KIF26B: variants seen among roughly 807,000 people sequenced by gnomAD.
KIF26B encodes kinesin family member 26B, also known as kinesin-like protein KIF26B.
A neutral mutation model predicts 151.2 loss-of-function variants in KIF26B; 63 were observed. The ratio of observed to expected loss-of-function variants is 0.42; its 90% CI spans 0.34 to 0.51. KIF26B has a LOEUF of 0.51. Ranked by LOEUF, KIF26B falls within the 20% of genes least tolerant of loss-of-function variation. The probability of loss-of-function intolerance (pLI) is 0.07; values close to 1 mark genes in which losing one functional copy is unlikely to be tolerated. For missense variants in KIF26B, 2,813 were observed against 2,913.6 expected (o/e 0.97, Z 0.79); for synonymous variants, 1,357 against 1,262.1 (o/e 1.08, Z -1.59).
intron 4 of KIF26B, among the ~76,000 whole-genome samples, chr1:245,508,943 C>G (rs536840430): frequency 1.3e-5 from 2 of 152,110 alleles, no homozygotes; most frequent in East Asian, 3.8e-4. Flanking sequence ...TAGACTAAAT[C>G]CTATTAAAGA....
intron 4 of KIF26B, among the ~76,000 whole-genome samples, chr1:245,529,536 T>C (rs1661314312): frequency 6.6e-6 from 1 of 152,262 alleles, no homozygotes; most frequent in South Asian, 2.1e-4. Context: ...TTTGTACTTC[T>C]GTTTAGCCTT....
chr1:245,197,820 C>G (rs56128316), intron 2 of KIF26B, among the ~76,000 whole-genome samples: 18,303 of 152,220 alleles, frequency 0.12, 1,640 homozygotes, highest in East Asian at 0.45. Flanking sequence ...TAGACGACAA[C>G]TAGGCACAGT....
rs1321001510 is a variant in KIF26B at position 245,611,871 on chromosome 1, A to G, written c.1993A>G (p.Arg665Gly). The part of the protein sequence containing the change: ...FFLDAAIASR[R>G]SHQQDCDEDD... ...CCTGGATGCCGCCATTGCCTCCCGC[A>G]GGAGCCACCAACAGGACTGTGATGA... The change falls in exon 9 of 15, where the codon AGG becomes GGG. Residue 665 changes from arginine to glycine, a missense_variant. Arg to Gly is a moderately radical substitution (Grantham distance 125). Coordinates refer to ENST00000407071, the MANE Select transcript of KIF26B (RefSeq NM_018012.4). The G allele has an allele frequency of 3.7e-6, 6 of 1,613,698 alleles. No individual in the cohort carries two copies. The Admixed American group carries it at 8.3e-5, about 22-fold the overall frequency.
At chr1:245,574,611 A>G (rs1200246477) in intron 5 of KIF26B, among the ~76,000 whole-genome samples, 1 of 152,006 alleles carries the variant, frequency 6.6e-6, no homozygotes, top group Non-Finnish European at 1.5e-5. Flanking sequence ...GTTGGAGTCC[A>G]CCTTCTGCCC....
intron 5 of KIF26B, among the ~76,000 whole-genome samples, chr1:245,556,341 T>TCCTCCCCCCTCCTCCTC (rs1662035369): frequency 7.6e-6 from 1 of 131,078 alleles, no homozygotes; most frequent in African/African-American, 2.9e-5. Flanking sequence ...TCTTCCTCCT[T>TCCTCCCCCCTCCTCCTC]CCTCCCTCCT....
intron 4 of KIF26B, among the ~76,000 whole-genome samples, chr1:245,453,068 T>C (rs1032450472): frequency 6.6e-6 from 1 of 152,206 alleles, no homozygotes; most frequent in Non-Finnish European, 1.5e-5. Flanking sequence ...ATAGCTCTCA[T>C]ATTTGGGTTC....
At position 245,167,874 on chromosome 1, in the gene KIF26B, G is replaced by C. The variant is rs1353772042; in HGVS notation, c.465+11191G>C. Among the ~76,000 whole-genome samples the C allele has an allele frequency of 6.6e-6, 1 of 152,070 alleles. No homozygotes were observed. The highest frequency in any genetic ancestry group is 2.4e-5 in the African/African-American group (1 of 41,406). Reference sequence around the variant, plus strand: ...AAGGAGAGGAATAAGAGGGGAGGAGGAGGAGGACGGATGAGAGAGAGGGCG... The same window carrying C: ...AAGGAGAGGAATAAGAGGGGAGGAGCAGGAGGACGGATGAGAGAGAGGGCG... On this transcript the variant is annotated intron_variant, in intron 2 of 14. Transcript: ENST00000407071. The surrounding 1 kb of genome is among the most constrained non-coding windows in gnomAD (Gnocchi z 4.2).
intron 14 of KIF26B, among the ~76,000 whole-genome samples, chr1:245,701,872 C>G (rs1473362282): frequency 2.0e-5 from 3 of 152,182 alleles, no homozygotes; most frequent in African/African-American, 7.2e-5. Flanking sequence ...GGCAGCCCAT[C>G]CCTCTGCCCG....
chr1:245,377,200 C>T (rs955636582), intron 3 of KIF26B, among the ~76,000 whole-genome samples: 1 of 152,254 alleles, frequency 6.6e-6, no homozygotes, highest in Non-Finnish European at 1.5e-5. Context: ...CAGGCGTGAG[C>T]CACCGCCCCC....
chr1:245,411,521 C>A (rs960888965), intron 3 of KIF26B, among the ~76,000 whole-genome samples: 1 of 152,186 alleles, frequency 6.6e-6, no homozygotes, highest in Non-Finnish European at 1.5e-5. Flanking sequence ...ATAAACATAA[C>A]TCATAAAATG....
intron 5 of KIF26B, among the ~76,000 whole-genome samples, chr1:245,543,326 G>A (rs1399961146): frequency 6.6e-6 from 1 of 152,212 alleles, no homozygotes; most frequent in Admixed American, 6.5e-5. Flanking sequence ...CATATGTAGT[G>A]ACCACAGATA....
chr1:245,508,865 G>A (rs1299782367), intron 4 of KIF26B, among the ~76,000 whole-genome samples: 1 of 152,074 alleles, frequency 6.6e-6, no homozygotes, highest in African/African-American at 2.4e-5. Flanking sequence ...CTTTTGTCTT[G>A]TTTGCCTCCT....
intron 2 of KIF26B, among the ~76,000 whole-genome samples, chr1:245,174,049 T>C (rs1022010530): frequency 6.6e-6 from 1 of 152,256 alleles, no homozygotes; most frequent in Admixed American, 6.5e-5. Context: ...GTTCCCTGCA[T>C]AGTAGTTACT....
chr1:245,289,966 C>T (rs1250122209), intron 2 of KIF26B, among the ~76,000 whole-genome samples: 1 of 152,162 alleles, frequency 6.6e-6, no homozygotes, highest in African/African-American at 2.4e-5. Context: ...AATACCCTCC[C>T]TCCCAAACCA....
intron 3 of KIF26B, among the ~76,000 whole-genome samples, chr1:245,376,922 A>C (rs1476078841): frequency 6.6e-6 from 1 of 151,974 alleles, no homozygotes; most frequent in African/African-American, 2.4e-5. Context: ...TCCTGACCTC[A>C]GGTGATCTGC....
chr1:245,687,167 C>G lies in KIF26B; in HGVS notation c.4184C>G (p.Pro1395Arg). Residue 1395 changes from proline (P) to arginine (R), a missense_variant, in exon 12 of 15, where the codon CCC becomes CGC. This residue lies in a region of KIF26B where 2,060 missense variants were observed against 2,088.6 expected (regional missense o/e 0.99). Transcript: ENST00000407071. The surrounding 1 kb of genome is among the most constrained non-coding windows in gnomAD (Gnocchi z 4.9). ...IPMKTNITVYPCIAMSPRNIQ... is the reference protein window; with the variant it reads ...IPMKTNITVYRCIAMSPRNIQ... ...ATGAAGACCAATATCACAGTTTACC[C>G]CTGCATTGCCATGAGCCCCCGGAAC... 1 of 1,613,126 alleles carries G rather than the reference C, an allele frequency of 6.2e-7. No homozygotes were observed. Among genetic ancestry groups the G allele is most frequent in the Non-Finnish European group, 8.5e-7 (1 of 1,179,740 alleles).
intron 2 of KIF26B, among the ~76,000 whole-genome samples, chr1:245,302,164 A>T (rs543258236): frequency 6.6e-6 from 1 of 152,246 alleles, no homozygotes; most frequent in Non-Finnish European, 1.5e-5. Context: ...ATTTCTAATG[A>T]ATGTGACATC....
chr1:245,239,423 C>T lies in KIF26B; in HGVS notation c.465+82740C>T, dbSNP rs558234496. 2.0e-5 allele frequency among the ~76,000 whole-genome samples: 3 copies of T among 152,296 alleles called. No homozygotes were observed. The South Asian group carries it at 6.2e-4, about 32-fold the overall frequency. ...TCTTTGCATCAATTTTTATCAAAAA[C>T]TTAATGCCATTAATAGGTGAAGAAC... On this transcript the variant is annotated intron_variant, in intron 2 of 14. Transcript: ENST00000407071. The surrounding 1 kb of genome is among the most constrained non-coding windows in gnomAD (Gnocchi z 4.3).
chr1:245,631,859 C>T lies in KIF26B; in HGVS notation c.2099-14262C>T, dbSNP rs12024788. 3.5e-3 allele frequency among the ~76,000 whole-genome samples: 529 copies of T among 151,906 alleles called. 4 individuals are homozygous for T. The highest frequency in any genetic ancestry group is 9.0e-3 in the Admixed American group (137 of 15,270). On this transcript the variant is annotated intron_variant, in intron 9 of 14. Transcript: ENST00000407071. ...TTTCACCTGAGCTTTCCAATTTGTTCGTGTGTAGTTCTTCATAAGACTCTA... is the reference window on the plus strand; with the variant it reads ...TTTCACCTGAGCTTTCCAATTTGTTTGTGTGTAGTTCTTCATAAGACTCTA...
Sources: allele counts gnomAD v4.1 joint callset (sites outside exome capture counted in the v4.1 genomes callset), GRCh38; gene constraint gnomAD v4.1.1; regional missense constraint gnomAD v4.1.1; non-coding constraint Gnocchi (gnomAD v3.1); transcripts MANE v1.5; gene names NCBI Gene and HGNC (gene_info 2026-07-23, HGNC 2026-07-21).